Variants in CDYL observed in about 807,000 individuals in gnomAD.
The protein encoded by CDYL is chromodomain Y-like protein.
Under a neutral mutation model 47.3 loss-of-function variants are expected in CDYL, and 8 were observed. The ratio of observed to expected loss-of-function variants is 0.17; its 90% CI spans 0.10 to 0.31. The LOEUF (loss-of-function observed/expected upper bound fraction) is 0.31, where lower values mean the gene tolerates loss of function less well. CDYL is among the 10% of genes least tolerant of loss of function. The pLI is 1.00. For synonymous variants in CDYL, 266 were observed against 265.0 expected (o/e 1.00, Z -0.04); for missense variants, 471 against 701.4 (o/e 0.67, Z 3.71).
chr6:4,900,793 A>G (rs867128492), intron 2 of CDYL, among the ~76,000 whole-genome samples: 6,548 of 53,492 alleles, frequency 0.12, 1,413 homozygotes, highest in East Asian at 0.19. Context: ...ATATATATAT[A>G]TATATATATA....
intron 2 of CDYL, among the ~76,000 whole-genome samples, chr6:4,903,110 A>G (rs1023693922): frequency 6.6e-6 from 1 of 152,196 alleles, no homozygotes; most frequent in Non-Finnish European, 1.5e-5. Flanking sequence ...AAAGAAGAGT[A>G]AAAGGAATGG....
chr6:4,765,374 T>C (rs1472270017), intron 3 of CDYL, among the ~76,000 whole-genome samples: 2 of 151,764 alleles, frequency 1.3e-5, no homozygotes, highest in Non-Finnish European at 2.9e-5. Context: ...TTTTTGAAAT[T>C]TTAAAATATC....
intron 1 of CDYL, among the ~76,000 whole-genome samples, chr6:4,850,256 G>T (rs192088959): frequency 6.6e-6 from 1 of 152,270 alleles, no homozygotes; most frequent in African/African-American, 2.4e-5. Flanking sequence ...GAGGGATATA[G>T]CTAGATTTTA....
At chr6:4,742,624 T>C (rs1193752854) in intron 3 of CDYL, among the ~76,000 whole-genome samples, 1 of 152,202 alleles carries the variant, frequency 6.6e-6, no homozygotes, top group Non-Finnish European at 1.5e-5. Flanking sequence ...TTGCAGGTAT[T>C]GGTCCATAGC....
chr6:4,749,637 G>A (rs945171415), intron 3 of CDYL, among the ~76,000 whole-genome samples: 1 of 152,182 alleles, frequency 6.6e-6, no homozygotes, highest in African/African-American at 2.4e-5. Context: ...AATGATCCCA[G>A]GTTGTTTTAA....
chr6:4,949,806 G>T (rs1758641842), intron 5 of CDYL, among the ~76,000 whole-genome samples: 1 of 152,220 alleles, frequency 6.6e-6, no homozygotes, highest in Non-Finnish European at 1.5e-5. Context: ...AGGGAGATTT[G>T]TTGTTGTTGT....
At chr6:4,901,798 G>A (rs1423462610) in intron 2 of CDYL, among the ~76,000 whole-genome samples, 2 of 152,132 alleles carry the variant, frequency 1.3e-5, no homozygotes, top group Admixed American at 6.5e-5. Context: ...AAATGAAATG[G>A]CATCTGTTGG....
chr6:4,716,347 T>C (rs1030224707), intron 2 of CDYL, among the ~76,000 whole-genome samples: 3 of 152,176 alleles, frequency 2.0e-5, no homozygotes, highest in African/African-American at 7.2e-5. Context: ...GGACAACGCC[T>C]TCTCTCTCGC....
chr6:4,912,169 C>G (rs2127500854), intron 2 of CDYL, among the ~76,000 whole-genome samples: 1 of 152,330 alleles, frequency 6.6e-6, no homozygotes, highest in Admixed American at 6.5e-5. Context: ...GTGGGAGTGG[C>G]TCCCAGTGCC....
chr6:4,750,874 A>T (rs572742172), intron 3 of CDYL, among the ~76,000 whole-genome samples: 2 of 144,844 alleles, frequency 1.4e-5, no homozygotes, highest in Admixed American at 7.0e-5. Context: ...TTTTTTTAAG[A>T]TGGAGTCTTG....
intron 1 of CDYL, among the ~76,000 whole-genome samples, chr6:4,711,582 G>C (rs1457920637): frequency 1.3e-5 from 2 of 152,118 alleles, no homozygotes; most frequent in African/African-American, 4.8e-5. Context: ...GTTTTTTTCT[G>C]AAAGTCCTTC....
chr6:4,803,706 T>G (rs909774915), intron 1 of CDYL, among the ~76,000 whole-genome samples: 7 of 150,958 alleles, frequency 4.6e-5, no homozygotes, highest in African/African-American at 9.7e-5. Context: ...GGATATCTCC[T>G]GGCTTCAGAC....
intron 1 of CDYL, among the ~76,000 whole-genome samples, chr6:4,788,521 C>A (rs1306044968): frequency 7.0e-6 from 1 of 143,136 alleles, no homozygotes; most frequent in Admixed American, 7.1e-5. Context: ...AGTAGTGGAG[C>A]AGGTCTCTGT....
chr6:4,885,764 C>T (rs952972837), intron 1 of CDYL, among the ~76,000 whole-genome samples: 1 of 152,202 alleles, frequency 6.6e-6, no homozygotes, highest in Non-Finnish European at 1.5e-5. Flanking sequence ...GAGATTAACT[C>T]ACATACCAGT....
chr6:4,709,747 C>G (rs1209909573), intron 1 of CDYL, among the ~76,000 whole-genome samples: 1 of 152,162 alleles, frequency 6.6e-6, no homozygotes, highest in African/African-American at 2.4e-5. Flanking sequence ...TATTTTGTCA[C>G]CTATTACATA....
chr6:4,772,906 C>G, upstream of CDYL: 3 of 348,310 alleles, frequency 8.6e-6, no homozygotes, highest in Non-Finnish European at 1.7e-5. Context: ...TGTCCCATCC[C>G]CCATCTCCCC....
intron 1 of CDYL, among the ~76,000 whole-genome samples, chr6:4,859,422 CAGA>C (rs1173932825): frequency 1.3e-5 from 2 of 152,034 alleles, no homozygotes; most frequent in Non-Finnish European, 2.9e-5. Context: ...CCTTGCATCA[CAGA>C]AGAAGAAGTG....
chr6:4,767,089 A>G (rs1581153162), intron 3 of CDYL, among the ~76,000 whole-genome samples: 1 of 152,306 alleles, frequency 6.6e-6, no homozygotes, highest in East Asian at 1.9e-4. Flanking sequence ...TTAGCACACC[A>G]AATTTAGCCA....
intron 3 of CDYL, among the ~76,000 whole-genome samples, chr6:4,936,724 CAGT>C (rs1286335864): frequency 6.6e-6 from 1 of 152,164 alleles, no homozygotes; most frequent in African/African-American, 2.4e-5. Context: ...AAACAAAAAA[CAGT>C]AGAACTGAAT....
Sources: allele counts gnomAD v4.1 joint callset (sites outside exome capture counted in the v4.1 genomes callset), GRCh38; gene constraint gnomAD v4.1.1; transcripts MANE v1.5; gene names NCBI Gene and HGNC (gene_info 2026-07-23, HGNC 2026-07-21).